TBC1D5: variants seen among roughly 807,000 people sequenced by gnomAD.
The protein encoded by TBC1D5 is TBC1 domain family member 5.
Under a neutral mutation model 100.3 loss-of-function variants are expected in TBC1D5, and 75 were observed. The ratio of observed to expected loss-of-function variants is 0.75; its 90% CI spans 0.62 to 0.91. The LOEUF is 0.91. TBC1D5 is among the 40% of genes least tolerant of loss of function. The pLI is 0.00. For synonymous variants in TBC1D5, 323 were observed against 325.6 expected (o/e 0.99, Z 0.09); for missense variants, 910 against 942.4 (o/e 0.97, Z 0.45).
At chr3:17,494,237 A>G (rs1261621701) in intron 3 of TBC1D5, among the ~76,000 whole-genome samples, 1 of 152,048 alleles carries the variant, frequency 6.6e-6, no homozygotes, top group Non-Finnish European at 1.5e-5. Context: ...CGGCACCTGT[A>G]GGCATCACCA....
intron 1 of TBC1D5, among the ~76,000 whole-genome samples, chr3:17,693,833 C>T (rs2071564463): frequency 6.6e-6 from 1 of 152,140 alleles, no homozygotes; most frequent in Non-Finnish European, 1.5e-5. Flanking sequence ...CCAATAGGGG[C>T]CGACAGACAC....
intron 16 of TBC1D5, among the ~76,000 whole-genome samples, chr3:17,258,135 T>C (rs2077902657): frequency 6.6e-6 from 1 of 152,258 alleles, no homozygotes; most frequent in Non-Finnish European, 1.5e-5. Flanking sequence ...GGGAAACACA[T>C]TTTTAATTTT....
At chr3:17,203,752 A>C (rs575751821) in intron 18 of TBC1D5, among the ~76,000 whole-genome samples, 6 of 152,242 alleles carry the variant, frequency 3.9e-5, no homozygotes, top group African/African-American at 1.2e-4. Context: ...CAAGATTGTA[A>C]ATTTCCTGAG....
At chr3:17,513,118 G>A (rs1191451397) in intron 2 of TBC1D5, among the ~76,000 whole-genome samples, 1 of 152,082 alleles carries the variant, frequency 6.6e-6, no homozygotes, top group African/African-American at 2.4e-5. Context: ...CAGATCACGA[G>A]GTCAGGAGTT....
intron 1 of TBC1D5, among the ~76,000 whole-genome samples, chr3:17,693,057 C>A (rs1335242441): frequency 6.6e-6 from 1 of 152,218 alleles, no homozygotes; most frequent in Non-Finnish European, 1.5e-5. Context: ...AGCAAAAAGG[C>A]TCTCATCAGA....
At position 17,324,603 on chromosome 3, in the gene TBC1D5, C is replaced by A. The variant is rs981672628; in HGVS notation, c.996-16469G>T. On this transcript the variant is annotated intron_variant, in intron 13 of 21. Transcript: ENST00000253692. ...AGGTTGCAGTAAGCCTAGATTGCAC[C>A]ACTGCACTCTATCCTCGACAACAGA... Among the ~76,000 whole-genome samples the A allele has an allele frequency of 7.2e-5, 11 of 152,064 alleles. No homozygotes were observed. In the East Asian group the frequency reaches 2.1e-3, roughly 29 times the overall value.
At chr3:17,184,900 G>A (rs986102091) in intron 19 of TBC1D5, 1 of 314,090 alleles carries the variant, frequency 3.2e-6, no homozygotes, top group East Asian at 4.9e-5. Flanking sequence ...TATAATCTTG[G>A]GGCATTTTCT....
chr3:17,192,317 G>A (rs1056865253), intron 18 of TBC1D5, among the ~76,000 whole-genome samples: 2 of 148,452 alleles, frequency 1.3e-5, no homozygotes, highest in South Asian at 4.6e-4. Context: ...AAACAAATCT[G>A]TATTCTAAAC....
At chr3:17,736,682 G>C (rs1247946879) in intron 1 of TBC1D5, among the ~76,000 whole-genome samples, 1 of 152,108 alleles carries the variant, frequency 6.6e-6, no homozygotes, top group African/African-American at 2.4e-5. Flanking sequence ...CCAGGTAGCT[G>C]CTGGGACACC....
intron 2 of TBC1D5, among the ~76,000 whole-genome samples, chr3:17,602,573 T>A (rs951313258): frequency 1.1e-4 from 14 of 132,652 alleles, no homozygotes; most frequent in Non-Finnish European, 2.2e-4. Context: ...TTTTTTTTTT[T>A]TTTTTTTTTT....
intron 16 of TBC1D5, among the ~76,000 whole-genome samples, chr3:17,253,831 A>G (rs1188811714): frequency 1.3e-5 from 2 of 149,492 alleles, no homozygotes; most frequent in East Asian, 3.8e-4. Context: ...ACCCTTGAAC[A>G]ACACAGGTTT....
chr3:17,509,067 G>A (rs1288533760), intron 2 of TBC1D5, among the ~76,000 whole-genome samples: 1 of 151,660 alleles, frequency 6.6e-6, no homozygotes, highest in Non-Finnish European at 1.5e-5. Context: ...TCTTTATTCT[G>A]GGCATTTAAA....
intron 3 of TBC1D5, among the ~76,000 whole-genome samples, chr3:17,444,235 A>G (rs541622565): frequency 5.7e-4 from 87 of 152,138 alleles, no homozygotes; most frequent in Middle Eastern, 3.4e-3. Context: ...TAAAACAAAA[A>G]CTACCAACAA....
intron 3 of TBC1D5, among the ~76,000 whole-genome samples, chr3:17,456,249 C>A: frequency 6.6e-6 from 1 of 152,152 alleles, no homozygotes; most frequent in Non-Finnish European, 1.5e-5. Context: ...GCAAAGATTT[C>A]TTGAGTAATA....
chr3:17,596,747 C>CT (rs1197628066), intron 2 of TBC1D5, among the ~76,000 whole-genome samples: 1 of 151,432 alleles, frequency 6.6e-6, no homozygotes, highest in Admixed American at 6.6e-5. Flanking sequence ...TATAGCCCTG[C>CT]TTGGTGACAC....
At chr3:17,533,629 C>G (rs958264160) in intron 2 of TBC1D5, among the ~76,000 whole-genome samples, 18 of 152,236 alleles carry the variant, frequency 1.2e-4, no homozygotes, top group Admixed American at 1.0e-3. Flanking sequence ...TTAATAGAGT[C>G]AGTATATAAT....
At chr3:17,524,582 T>C (rs1170668701) in intron 2 of TBC1D5, 1 of 152,174 alleles carries the variant, frequency 6.6e-6, no homozygotes, top group East Asian at 1.9e-4. Context: ...CTATGTAACA[T>C]ACATGGACAG....
intron 13 of TBC1D5, among the ~76,000 whole-genome samples, chr3:17,323,050 C>G (rs1490029726): frequency 6.6e-6 from 1 of 152,172 alleles, no homozygotes; most frequent in African/African-American, 2.4e-5. Flanking sequence ...GTTTAACAGT[C>G]TGCCAAAAGT....
chr3:17,434,884 G>A (rs2094507876), intron 3 of TBC1D5, among the ~76,000 whole-genome samples: 1 of 152,096 alleles, frequency 6.6e-6, no homozygotes, highest in African/African-American at 2.4e-5. Flanking sequence ...CCTTTTGAAT[G>A]CTTTGTTGCT....
Sources: gnomAD v4.1 joint callset for allele counts (sites outside exome capture counted in the v4.1 genomes callset) on GRCh38, gnomAD v4.1.1 for gene constraint, MANE v1.5 for transcripts, NCBI Gene and HGNC (gene_info 2026-07-23, HGNC 2026-07-21) for gene names.